Variants in SEC14L1 observed in about 807,000 individuals in gnomAD.
SEC14L1 encodes the protein SEC14-like protein 1.
In SEC14L1, 48 loss-of-function variants were observed where a neutral mutation model predicts 85.3. That is an observed-to-expected ratio of 0.56 (90% confidence interval 0.45 to 0.72). The LOEUF (loss-of-function observed/expected upper bound fraction) is 0.72, where lower values mean the gene tolerates loss of function less well. SEC14L1 is among the 30% of genes least tolerant of loss of function. The probability of loss-of-function intolerance (pLI) is 0.00; values close to 1 mark genes in which losing one functional copy is unlikely to be tolerated. For missense variants in SEC14L1, 682 were observed against 921.4 expected, an observed-to-expected ratio of 0.74 and a Z score of 3.36; for synonymous variants, 391 against 355.5, an observed-to-expected ratio of 1.10 and a Z score of -1.12.
intron 3 of SEC14L1, among the ~76,000 whole-genome samples, chr17:77,146,150 C>CT (rs1457902288): frequency 6.6e-6 from 1 of 152,152 alleles, no homozygotes; most frequent in Non-Finnish European, 1.5e-5. Flanking sequence ...AGGCCTGACC[C>CT]TTGTTCAGTG....
chr17:77,203,511 T>TG (rs1976289120), intron 9 of SEC14L1, 59 bp from the exon 10 acceptor site: 1 of 1,433,600 alleles, frequency 7.0e-7, no homozygotes, highest in African/African-American at 1.4e-5. Flanking sequence ...GTCTTAGAGT[T>TG]GTATCCTCAG....
At chr17:77,121,304 C>T (rs969240638) in intron 3 of SEC14L1, among the ~76,000 whole-genome samples, 1 of 152,130 alleles carries the variant, frequency 6.6e-6, no homozygotes, top group African/African-American at 2.4e-5. Context: ...GAAAGAGATT[C>T]GGGAAGTTGG....
chr17:77,200,604 C>A lies in SEC14L1; in HGVS notation c.940C>A (p.Leu314Ile). The change falls in exon 9 of 17, where the codon CTT becomes ATT. Residue 314 changes from leucine (L) to isoleucine (I), a missense_variant. Transcript: ENST00000436233. ...WRKQHQVDYI[L>I]ETWTPPQVLQ... is the part of the protein sequence containing the mutation. ...AAAGCAGCATCAGGTAGACTACATT[C>A]TTGAAACCTGGACCCCTCCTCAGGT... The A allele has an allele frequency of 6.2e-7, 1 of 1,614,144 alleles. No individual in the cohort carries two copies.
intron 3 of SEC14L1, among the ~76,000 whole-genome samples, chr17:77,189,933 A>G (rs577662117): frequency 6.6e-6 from 1 of 152,266 alleles, no homozygotes; most frequent in African/African-American, 2.4e-5. Context: ...CGGCCTTAAC[A>G]GGGTCTTTCG....
At chr17:77,180,680 T>C (rs1351172332) in intron 3 of SEC14L1, among the ~76,000 whole-genome samples, 1 of 152,196 alleles carries the variant, frequency 6.6e-6, no homozygotes, top group Non-Finnish European at 1.5e-5. Flanking sequence ...GTGCATGCCA[T>C]GTACCATTGT....
In SEC14L1 at chr17:77,214,365, G is replaced by A. The variant is rs539393459; in HGVS notation, c.*342G>A. On this transcript the variant is annotated 3_prime_UTR_variant, in exon 17 of 17. Transcript: ENST00000436233. ...GCAAAAAATTTTTCCAACGAACTCC[G>A]CATTGTCCATTAGTGAATGAATTCC... 1.5e-5 allele frequency: 16 copies of A among 1,060,434 alleles called. No homozygotes were observed. The highest frequency in any genetic ancestry group is 3.4e-5 in the African/African-American group (2 of 59,650). The allele number at this position is 1,060,434 out of a possible 1,614,324, so 65.7% of individuals were successfully genotyped here.
At chr17:77,140,585 C>G (rs553323821), upstream of SEC14L1, among the ~76,000 whole-genome samples, 1 of 152,218 alleles carries the variant, frequency 6.6e-6, no homozygotes, top group East Asian at 1.9e-4. Context: ...TCCCTTTTCC[C>G]GCTCAGCCGA....
intron 3 of SEC14L1, among the ~76,000 whole-genome samples, chr17:77,105,555 A>T (rs1231755531): frequency 6.6e-6 from 1 of 152,144 alleles, no homozygotes; most frequent in Non-Finnish European, 1.5e-5. Context: ...GATGGTAAGG[A>T]TATAGTGCAG....
At chr17:77,168,544 T>C (rs1974389885) in intron 3 of SEC14L1, among the ~76,000 whole-genome samples, 1 of 152,208 alleles carries the variant, frequency 6.6e-6, no homozygotes, top group South Asian at 2.1e-4. Context: ...CAAACCACTT[T>C]TCCATGAGAC....
intron 4 of SEC14L1, 64 bp from the exon 5 acceptor site, chr17:77,191,117 A>G (rs1975512083): frequency 4.5e-6 from 7 of 1,559,762 alleles, no homozygotes; most frequent in South Asian, 4.5e-5. Flanking sequence ...ATGAACTTAT[A>G]CTATAGCTTC....
intron 3 of SEC14L1, among the ~76,000 whole-genome samples, chr17:77,104,944 C>T (rs1360032667): frequency 2.6e-5 from 4 of 151,818 alleles, no homozygotes; most frequent in Admixed American, 2.6e-4. Flanking sequence ...AGACAGGAGA[C>T]ATCAATCAAT....
At chr17:77,185,160 C>A in intron 3 of SEC14L1, 1 of 929,232 alleles carries the variant, frequency 1.1e-6, no homozygotes, top group Non-Finnish European at 1.3e-6. Context: ...TTGTTTTAGG[C>A]ATTGAAGTCC....
chr17:77,092,137 C>T (rs1045049355), intron 2 of SEC14L1, among the ~76,000 whole-genome samples: 5 of 152,186 alleles, frequency 3.3e-5, no homozygotes, highest in East Asian at 1.9e-4. Context: ...TTGATTTTCT[C>T]GGCTGTAGTT....
chr17:77,173,860 G>T (rs1240469490), intron 3 of SEC14L1, among the ~76,000 whole-genome samples: 1 of 151,864 alleles, frequency 6.6e-6, no homozygotes, highest in Non-Finnish European at 1.5e-5. Context: ...AGTTTGTGAG[G>T]CTCAACCTCT....
chr17:77,200,411 C>A, intron 8 of SEC14L1, 73 bp from the exon 9 acceptor site: 1 of 1,201,998 alleles, frequency 8.3e-7, no homozygotes, highest in Non-Finnish European at 1.2e-6. Context: ...TCAAGCGATC[C>A]GTCCACCGCA....
At chr17:77,094,394 C>G (rs1480262095) in intron 3 of SEC14L1, 1 of 152,166 alleles carries the variant, frequency 6.6e-6, no homozygotes, top group African/African-American at 2.4e-5. Flanking sequence ...GTGCTATTTG[C>G]CACGGAAAGA....
intron 3 of SEC14L1, among the ~76,000 whole-genome samples, chr17:77,132,434 A>G (rs1039647496): frequency 9.2e-5 from 14 of 152,134 alleles, no homozygotes; most frequent in African/African-American, 2.9e-4. Flanking sequence ...TGTTTTGGCC[A>G]GGCTGGTCTC....
rs79483777 is a variant in SEC14L1 at position 77,177,651 on chromosome 17, A to G, written c.64-13152A>G. ...AACAATCTGAAACTGACCCCCTCTTAAAACATTATATCTAATGCTAGATCT... is the reference window on the plus strand; with the variant it reads ...AACAATCTGAAACTGACCCCCTCTTGAAACATTATATCTAATGCTAGATCT... On this transcript the variant is annotated intron_variant, in intron 3 of 16. Transcript: ENST00000436233. 1.1e-4 allele frequency among the ~76,000 whole-genome samples: 16 copies of G among 152,296 alleles called. No individual in the cohort carries two copies. In the East Asian group the frequency reaches 3.1e-3, roughly 29 times the overall value.
intron 3 of SEC14L1, among the ~76,000 whole-genome samples, chr17:77,131,041 G>A (rs1972595727): frequency 6.6e-6 from 1 of 152,202 alleles, no homozygotes; most frequent in Non-Finnish European, 1.5e-5. Flanking sequence ...GCAACTTACA[G>A]TTCAACAGAA....
Sources: gnomAD v4.1 joint callset for allele counts (sites outside exome capture counted in the v4.1 genomes callset) on GRCh38, gnomAD v4.1.1 for gene constraint, MANE v1.5 for transcripts, NCBI Gene and HGNC (gene_info 2026-07-23, HGNC 2026-07-21) for gene names.